The following ORC4 variants were observed in gnomAD, a reference collection of about 807,000 sequenced individuals.
ORC4 encodes the protein origin recognition complex subunit 4, also known as origin recognition complex, subunit 4 homolog.
A neutral mutation model predicts 63.9 loss-of-function variants in ORC4; 55 were observed. The ratio of observed to expected loss-of-function variants is 0.86; its 90% CI spans 0.69 to 1.08. The LOEUF (loss-of-function observed/expected upper bound fraction) is 1.08. ORC4 is among the 50% of genes least tolerant of loss of function. The probability of loss-of-function intolerance (pLI) is 0.00; values close to 1 mark genes in which losing one functional copy is unlikely to be tolerated. For synonymous variants in ORC4, 150 were observed against 168.5 expected (o/e 0.89, Z 0.85); for missense variants, 511 against 504.4 (o/e 1.01, Z -0.13).
intron 1 of ORC4, among the ~76,000 whole-genome samples, chr2:148,018,462 T>G (rs1693452165): frequency 6.6e-6 from 1 of 152,186 alleles, no homozygotes; most frequent in Admixed American, 6.5e-5. Flanking sequence ...AGAATACATG[T>G]ACAAGAACAT....
intron 1 of ORC4, among the ~76,000 whole-genome samples, chr2:147,979,834 C>T (rs929200161): frequency 2.0e-5 from 3 of 152,136 alleles, no homozygotes. Flanking sequence ...TAAGGACAGT[C>T]TCTTCAAGAA....
chr2:147,943,061 ACAT>A (rs1688454434), intron 10 of ORC4, among the ~76,000 whole-genome samples: 1 of 152,188 alleles, frequency 6.6e-6, no homozygotes, highest in Non-Finnish European at 1.5e-5. Context: ...TTAAATAAGT[ACAT>A]CATCTGTGTA....
At position 147,973,518 on chromosome 2, in the gene ORC4, T is replaced by C. The variant is rs1157595214; in HGVS notation, c.64A>G (p.Arg22Gly). ...CGACAAAATCTTTCACGTAAAATTC[T>C]TTGTACCTGATGAAAATAAAGTGAA... ...IHTECLSQVQRILRERFCRQS... is the reference protein window; with the variant it reads ...IHTECLSQVQGILRERFCRQS... The change falls in exon 3 of 14, where the codon AGA becomes GGA. Residue 22 changes from arginine (R) to glycine (G), a missense_variant. Physicochemically the swap from Arg to Gly is moderately radical, Grantham distance 125. Transcript: ENST00000392857. 3 of 1,575,062 alleles carry C rather than the reference T, an allele frequency of 1.9e-6. No individual in the cohort carries two copies. Among genetic ancestry groups the C allele is most frequent in the Non-Finnish European group, 1.7e-6 (2 of 1,145,946 alleles).
intron 1 of ORC4, among the ~76,000 whole-genome samples, chr2:148,015,518 G>A (rs1415939931): frequency 2.0e-5 from 3 of 151,874 alleles, no homozygotes; most frequent in African/African-American, 7.3e-5. Context: ...GTCTCACCAT[G>A]TTAGCCAGGA....
Position 147,933,510 on chromosome 2 carries a change from A to C in ORC4, c.*2000T>G, listed in dbSNP as rs887179864. 3 of 152,020 alleles carry C rather than the reference A, an allele frequency of 2.0e-5. No homozygotes were observed. The highest frequency in any genetic ancestry group is 2.9e-5 in the Non-Finnish European group (2 of 67,996). 9.4% of individuals were successfully genotyped at this position (152,020 alleles called of 1,614,324 possible). A position where few individuals can be genotyped will look rare whatever the true frequency, so the allele number is the denominator to read the frequency against. On this transcript the variant is annotated 3_prime_UTR_variant, in exon 14 of 14. Coordinates refer to ENST00000392857, the MANE Select transcript of ORC4 (RefSeq NM_181741.4). ...TTCATGTTTACCTCAATTGGTACTT[A>C]GTCTTAAAATCTTTCTTTATACTTG... is the stretch of plus-strand genomic sequence containing the variant.
intron 8 of ORC4, among the ~76,000 whole-genome samples, chr2:147,948,748 A>C (rs1015603479): frequency 2.8e-4 from 42 of 151,760 alleles, no homozygotes; most frequent in African/African-American, 9.6e-4. Context: ...TCAGGAATCA[A>C]ATTTACTGTC....
chr2:147,960,075 G>C (rs896809807), intron 4 of ORC4, among the ~76,000 whole-genome samples: 1 of 151,642 alleles, frequency 6.6e-6, no homozygotes, highest in African/African-American at 2.4e-5. Flanking sequence ...TTTTTCCTAG[G>C]TTATGATTTT....
chr2:147,932,294 G>A lies in ORC4; in HGVS notation c.*3216C>T, dbSNP rs988974371. 6 of 152,014 alleles carry A rather than the reference G, an allele frequency of 3.9e-5. No homozygotes were observed. Among genetic ancestry groups the A allele is most frequent in the Non-Finnish European group, 7.4e-5 (5 of 68,010 alleles). 9.4% of individuals were successfully genotyped at this position (152,014 alleles called of 1,614,324 possible). On this transcript the variant is annotated 3_prime_UTR_variant, in exon 14 of 14. Transcript: ENST00000392857. The stretch of plus-strand genomic sequence containing the variant: ...AGGAGAACTACAAGCTACTGCTCAA[G>A]GAAATAAAAGAGGATACAAACAAAT...
intron 9 of ORC4, among the ~76,000 whole-genome samples, chr2:147,944,513 G>C (rs772362225): frequency 6.6e-6 from 1 of 152,006 alleles, no homozygotes; most frequent in African/African-American, 2.4e-5. Context: ...AGCCCTTTGA[G>C]AAAGTACCAT....
At chr2:147,958,698 T>C in intron 5 of ORC4, 93 bp downstream of exon 5, 1 of 711,572 alleles carries the variant, frequency 1.4e-6, no homozygotes, top group South Asian at 1.6e-5. Flanking sequence ...GTTTTCAAAA[T>C]CTAACTATTA....
At chr2:147,981,587 T>G (rs577125292) in intron 1 of ORC4, among the ~76,000 whole-genome samples, 1 of 152,258 alleles carries the variant, frequency 6.6e-6, no homozygotes, top group South Asian at 2.1e-4. Flanking sequence ...TACAAAAAAA[T>G]GGTATGTGAG....
At chr2:147,959,137 A>G (rs1573789650) in intron 4 of ORC4, among the ~76,000 whole-genome samples, 1 of 151,998 alleles carries the variant, frequency 6.6e-6, no homozygotes, top group African/African-American at 2.4e-5. Flanking sequence ...TTTAAAATAA[A>G]TATTTCTCTA....
chr2:147,967,058 A>ACAC (rs1057369188), intron 4 of ORC4, among the ~76,000 whole-genome samples: 1 of 152,170 alleles, frequency 6.6e-6, no homozygotes, highest in Non-Finnish European at 1.5e-5. Context: ...TAAACATCAT[A>ACAC]CACCACATCA....
At chr2:147,937,886 C>A in intron 13 of ORC4, 1 of 501,794 alleles carries the variant, frequency 2.0e-6, no homozygotes, top group Admixed American at 3.4e-5. Context: ...GGTTATATCA[C>A]ACACTATACT....
intron 1 of ORC4, among the ~76,000 whole-genome samples, chr2:147,988,231 G>A (rs996873941): frequency 2.0e-5 from 3 of 152,036 alleles, no homozygotes. Flanking sequence ...AAAGGGAAGA[G>A]TTCAAGATCA....
rs1407391264 is a variant in ORC4 at position 147,948,147 on chromosome 2, A to C, written c.666T>G (p.Gly222=). The C allele has an allele frequency of 3.1e-6, 5 of 1,611,066 alleles. No homozygotes were observed. The African/African-American group carries it at 6.7e-5, about 22-fold the overall frequency. ...HRQIHLMNSF[G]FPQYVKIFKE... is the part of the protein sequence containing the mutation. Reference sequence around the variant, plus strand: ...TAAATATTTTAACATACTGTGGAAAACCAAATGAATTCATTAAGTGTATCT... The same window carrying C: ...TAAATATTTTAACATACTGTGGAAACCCAAATGAATTCATTAAGTGTATCT... Residue 222 remains glycine (G), a synonymous_variant, in exon 9 of 14, where the codon GGT becomes GGG. Transcript: ENST00000392857.
intron 1 of ORC4, among the ~76,000 whole-genome samples, chr2:148,018,979 A>T (rs1693489936): frequency 6.6e-6 from 1 of 152,140 alleles, no homozygotes; most frequent in Non-Finnish European, 1.5e-5. Context: ...TTGTATGCTT[A>T]AATACTAAAT....
At chr2:147,961,015 A>T (rs1025407057) in intron 4 of ORC4, among the ~76,000 whole-genome samples, 3 of 152,130 alleles carry the variant, frequency 2.0e-5, no homozygotes, top group African/African-American at 7.2e-5. Flanking sequence ...TAGAGTTAGC[A>T]TTTTTGTATT....
At chr2:147,952,738 C>G (rs1689029911) in intron 7 of ORC4, among the ~76,000 whole-genome samples, 1 of 152,160 alleles carries the variant, frequency 6.6e-6, no homozygotes, top group African/African-American at 2.4e-5. Flanking sequence ...TCAAGAAGTT[C>G]AGTCTAGGCT....
Sources: allele counts gnomAD v4.1 joint callset (sites outside exome capture counted in the v4.1 genomes callset), GRCh38; gene constraint gnomAD v4.1.1; transcripts MANE v1.5; gene names NCBI Gene and HGNC (gene_info 2026-07-23, HGNC 2026-07-21).